The following ZNF407 variants were observed in gnomAD, a reference collection of about 807,000 sequenced individuals.
ZNF407 encodes the protein zinc finger protein 407.
ZNF407 carries 17 observed loss-of-function variants against 131.2 expected under a neutral mutation model. The observed-to-expected ratio is 0.13, with a 90% confidence interval of 0.09 to 0.19. The LOEUF is 0.19. Ranked by LOEUF, ZNF407 falls within the 10% of genes least tolerant of loss-of-function variation. The pLI, the probability that ZNF407 is intolerant of heterozygous loss-of-function variation, is 1.00. For synonymous variants in ZNF407, 1,156 were observed against 1,062.0 expected, an observed-to-expected ratio of 1.09 and a Z score of -1.72; for missense variants, 2,681 against 2,830.6, an observed-to-expected ratio of 0.95 and a Z score of 1.20.
chr18:74,852,164 T>TACACACACACAC (rs10539805), intron 4 of ZNF407, among the ~76,000 whole-genome samples: 3 of 149,558 alleles, frequency 2.0e-5, no homozygotes, highest in Admixed American at 6.6e-5. Context: ...GGATGCATGC[T>TACACACACACAC]ACACACACAC....
rs1328225709 is a variant in ZNF407 at position 74,693,953 on chromosome 18, G to A, written c.4802+52831G>A. Reference sequence around the variant, plus strand: ...TTCAGTTATTTTTTTAACTTTCTTTGTATATAGTGACTATTTTAAAGAATA... The same window carrying A: ...TTCAGTTATTTTTTTAACTTTCTTTATATATAGTGACTATTTTAAAGAATA... On this transcript the variant is annotated intron_variant, in intron 3 of 8. Coordinates refer to ENST00000299687, the MANE Select transcript of ZNF407 (RefSeq NM_017757.3). Among the ~76,000 whole-genome samples the A allele has an allele frequency of 4.0e-5, 6 of 151,856 alleles. No individual in the cohort carries two copies. The East Asian group carries it at 5.8e-4, about 15-fold the overall frequency.
chr18:74,704,029 G>A (rs1387072255), intron 3 of ZNF407, among the ~76,000 whole-genome samples: 3 of 151,982 alleles, frequency 2.0e-5, no homozygotes, highest in Non-Finnish European at 2.9e-5. Flanking sequence ...GTACAGTAAT[G>A]TTCCATATTC....
chr18:75,017,448 GT>G (rs1350888982), intron 8 of ZNF407, among the ~76,000 whole-genome samples: 1 of 152,120 alleles, frequency 6.6e-6, no homozygotes, highest in Admixed American at 6.5e-5. Flanking sequence ...ATCCACTGAT[GT>G]TTTGGCAGGG....
At chr18:74,674,658 G>A (rs1986283990) in intron 3 of ZNF407, among the ~76,000 whole-genome samples, 1 of 152,112 alleles carries the variant, frequency 6.6e-6, no homozygotes, top group African/African-American at 2.4e-5. Context: ...CCCAGGGCTT[G>A]GCTCTGGGAT....
At chr18:74,738,346 G>GAATACAAAAACTTA (rs1568190837) in intron 3 of ZNF407, among the ~76,000 whole-genome samples, 2 of 142,858 alleles carry the variant, frequency 1.4e-5, no homozygotes, top group African/African-American at 2.6e-5. Context: ...CTTGAACCCG[G>GAATACAAAAACTTA]GAGGCGGAGG....
intron 3 of ZNF407, among the ~76,000 whole-genome samples, chr18:74,697,147 T>C (rs1967378949): frequency 6.6e-6 from 1 of 152,172 alleles, no homozygotes; most frequent in Admixed American, 6.5e-5. Flanking sequence ...ATTGGACCTC[T>C]CTCCAAACTC....
intron 4 of ZNF407, among the ~76,000 whole-genome samples, chr18:74,808,703 A>G (rs1568225389): frequency 6.8e-6 from 1 of 147,190 alleles, no homozygotes; most frequent in African/African-American, 2.4e-5. Context: ...GATAGGATCA[A>G]TTACATTTTT....
intron 3 of ZNF407, among the ~76,000 whole-genome samples, chr18:74,728,917 G>A (rs1327617298): frequency 6.6e-6 from 1 of 152,196 alleles, no homozygotes; most frequent in Non-Finnish European, 1.5e-5. Context: ...GAGTGGTACG[G>A]TTGTTTTTAA....
rs190200276 is a variant in ZNF407 at position 74,679,051 on chromosome 18, A to G, written c.4802+37929A>G. ...GATGGGTAGAGTAGGAGATGGGGAAATAATCTGTGTGGGGACTCAGCGGTT... is the reference window on the plus strand; with the variant it reads ...GATGGGTAGAGTAGGAGATGGGGAAGTAATCTGTGTGGGGACTCAGCGGTT... On this transcript the variant is annotated intron_variant, in intron 3 of 8. Coordinates refer to ENST00000299687, the MANE Select transcript of ZNF407 (RefSeq NM_017757.3). 5.2e-3 allele frequency among the ~76,000 whole-genome samples: 788 copies of G among 152,194 alleles called. 6 individuals carry two copies. The highest frequency in any genetic ancestry group is 7.2e-3 in the Non-Finnish European group (487 of 68,016).
At position 74,747,237 on chromosome 18, in the gene ZNF407, G is replaced by T. The variant is rs143332462; in HGVS notation, c.4803-34191G>T. On this transcript the variant is annotated intron_variant, in intron 3 of 8. Coordinates refer to ENST00000299687, the MANE Select transcript of ZNF407 (RefSeq NM_017757.3). ...AAAGGAACATATCATTAACAATTAAGTATTTACCTGCTTAAACAGAAAACA... is the reference window on the plus strand; with the variant it reads ...AAAGGAACATATCATTAACAATTAATTATTTACCTGCTTAAACAGAAAACA... Among the ~76,000 whole-genome samples the T allele has an allele frequency of 1.1e-4, 17 of 151,914 alleles. No homozygotes were observed. In the East Asian group the frequency reaches 3.3e-3, roughly 29 times the overall value.
At chr18:74,602,024 T>G (rs772537012) in intron 1 of ZNF407, among the ~76,000 whole-genome samples, 32 of 152,240 alleles carry the variant, frequency 2.1e-4, no homozygotes, top group Non-Finnish European at 2.4e-4. Context: ...CATCTGTATA[T>G]ATTTTTTGTA....
At chr18:75,004,004 G>A (rs991176637) in intron 8 of ZNF407, among the ~76,000 whole-genome samples, 4 of 152,152 alleles carry the variant, frequency 2.6e-5, no homozygotes, top group African/African-American at 7.2e-5. Context: ...CCCAAAGGCC[G>A]TGAAGTCCTA....
At chr18:74,940,169 A>G (rs191392459) in intron 8 of ZNF407, among the ~76,000 whole-genome samples, 61 of 152,320 alleles carry the variant, frequency 4.0e-4, no homozygotes, top group Non-Finnish European at 7.2e-4. Context: ...GACAGAACAT[A>G]TGTGATTGCA....
At chr18:74,928,100 G>A (rs1386715698) in intron 8 of ZNF407, among the ~76,000 whole-genome samples, 2 of 152,292 alleles carry the variant, frequency 1.3e-5, no homozygotes, top group South Asian at 2.1e-4. Flanking sequence ...TGTGCCCAAG[G>A]TGGTTGAGTT....
intron 1 of ZNF407, among the ~76,000 whole-genome samples, chr18:74,615,497 C>G (rs1201539419): frequency 1.3e-5 from 2 of 152,306 alleles, no homozygotes; most frequent in East Asian, 3.9e-4. Flanking sequence ...GAGTGAGACT[C>G]CGTCTTAAAA....
At chr18:74,706,563 A>G (rs1009283952) in intron 3 of ZNF407, among the ~76,000 whole-genome samples, 1 of 152,304 alleles carries the variant, frequency 6.6e-6, no homozygotes, top group Non-Finnish European at 1.5e-5. Flanking sequence ...TCAGCTCTGA[A>G]CAGCACTGAC....
At chr18:74,832,542 A>T (rs1022625427) in intron 4 of ZNF407, among the ~76,000 whole-genome samples, 2 of 151,642 alleles carry the variant, frequency 1.3e-5, no homozygotes, top group Non-Finnish European at 2.9e-5. Flanking sequence ...ATAGCCTTAA[A>T]CTCTTGAGCT....
intron 3 of ZNF407, among the ~76,000 whole-genome samples, chr18:74,757,340 A>G (rs1439106218): frequency 1.3e-5 from 2 of 151,878 alleles, no homozygotes; most frequent in Admixed American, 6.6e-5. Flanking sequence ...GAGTTTTTAT[A>G]TGTTCCATAT....
At chr18:75,040,521 C>T (rs1469351846) in intron 8 of ZNF407, among the ~76,000 whole-genome samples, 1 of 152,062 alleles carries the variant, frequency 6.6e-6, no homozygotes, top group Non-Finnish European at 1.5e-5. Context: ...ATTTACAGTA[C>T]ATCTTTATGT....
Sources: allele counts gnomAD v4.1 joint callset (sites outside exome capture counted in the v4.1 genomes callset), GRCh38; gene constraint gnomAD v4.1.1; transcripts MANE v1.5; gene names NCBI Gene and HGNC (gene_info 2026-07-23, HGNC 2026-07-21).